Variants in KATNIP observed in about 807,000 individuals in gnomAD.
The protein encoded by KATNIP is katanin interacting protein, also known as katanin-interacting protein.
Under a neutral mutation model 174.0 loss-of-function variants are expected in KATNIP, and 126 were observed. That is an observed-to-expected ratio of 0.72 (90% CI 0.63 to 0.84). The LOEUF is 0.84. Ranked by LOEUF, KATNIP falls within the 40% of genes least tolerant of loss-of-function variation. The pLI is 0.00. For synonymous variants in KATNIP, 810 were observed against 835.7 expected, an observed-to-expected ratio of 0.97 and a Z score of 0.53; for missense variants, 1,958 against 2,109.7, an observed-to-expected ratio of 0.93 and a Z score of 1.41.
intron 8 of KATNIP, chr16:27,687,141 T>G (rs564804507): frequency 6.6e-6 from 1 of 152,338 alleles, no homozygotes; most frequent in African/African-American, 2.4e-5. Flanking sequence ...TCTGCTCAGC[T>G]TCCCAGCCTT....
intron 19 of KATNIP, among the ~76,000 whole-genome samples, chr16:27,763,314 T>TA (rs1567417088): frequency 8.0e-6 from 1 of 124,454 alleles, no homozygotes; most frequent in South Asian, 2.5e-4. Context: ...AAAAAATAAA[T>TA]AAAAAAAAGT....
rs139354813 is a variant in KATNIP at position 27,606,206 on chromosome 16, G to A, written c.64-12219G>A. Among the ~76,000 whole-genome samples, 21 of 152,304 alleles carry A rather than the reference G, an allele frequency of 1.4e-4. No homozygotes were observed. The East Asian group carries it at 3.3e-3, about 24-fold the overall frequency. The stretch of plus-strand genomic sequence containing the variant: ...GTGCACTGAGGACGGGCTCCACAGC[G>A]CTGGGACACACAGACTCACTGGGAG... On this transcript the variant is annotated intron_variant, in intron 2 of 27. Coordinates refer to ENST00000261588, the MANE Select transcript of KATNIP (RefSeq NM_015202.5).
At chr16:27,736,383 G>A (rs557553380) in intron 14 of KATNIP, among the ~76,000 whole-genome samples, 1 of 152,310 alleles carries the variant, frequency 6.6e-6, no homozygotes, top group Non-Finnish European at 1.5e-5. Context: ...CTAACTTTGA[G>A]TGGGAAAAAC....
rs112201276 is a variant in KATNIP, at chr16:27,593,772, G to T, written c.63+19816G>T. Among the ~76,000 whole-genome samples the T allele has an allele frequency of 9.4e-3, 1,438 of 152,228 alleles. 24 individuals are homozygous for T. Among genetic ancestry groups the T allele is most frequent in the African/African-American group, 0.033 (1,378 of 41,550 alleles). ...ATCCTTCTACCTTGGCCTTCCAAAG[G>T]GCTAGGATTACTTCAGGTGTGAACC... On this transcript the variant is annotated intron_variant, in intron 2 of 27. Transcript: ENST00000261588.
At position 27,681,290 on chromosome 16, in the gene KATNIP, G is replaced by A. The variant is rs762989931; in HGVS notation, c.809-109G>A. On this transcript the variant is annotated intron_variant, in intron 7 of 27. Transcript: ENST00000261588. ...ATCCCAAACTGCACAAAGTAGTTCCGTAGACATTTGTTGAATGAGTAAGTG... is the reference window on the plus strand; with the variant it reads ...ATCCCAAACTGCACAAAGTAGTTCCATAGACATTTGTTGAATGAGTAAGTG... 47 of 1,392,952 alleles carry A rather than the reference G, an allele frequency of 3.4e-5. 1 individual carries two copies. The highest frequency in any genetic ancestry group is 2.1e-4 in the South Asian group (17 of 81,250). 86.3% of individuals were successfully genotyped at this position (1,392,952 alleles called of 1,614,324 possible). A position where few individuals can be genotyped will look rare whatever the true frequency, so the allele number is the denominator to read the frequency against.
chr16:27,599,471 G>C (rs1422767043), intron 2 of KATNIP, among the ~76,000 whole-genome samples: 2 of 152,148 alleles, frequency 1.3e-5, no homozygotes, highest in East Asian at 3.8e-4. Context: ...ACTCAGACCT[G>C]CTCTCCCTCC....
At chr16:27,618,354 T>C (rs1245536629) in intron 2 of KATNIP, 71 bp from the exon 3 acceptor site, 1 of 1,210,284 alleles carries the variant, frequency 8.3e-7, no homozygotes, top group Non-Finnish European at 1.2e-6. Context: ...CGCCGGTGTG[T>C]GCTGCACCTG....
At chr16:27,550,971 A>G (rs898179954) in intron 1 of KATNIP, among the ~76,000 whole-genome samples, 3 of 152,196 alleles carry the variant, frequency 2.0e-5, no homozygotes, top group South Asian at 4.1e-4. Flanking sequence ...CTGAAAATCA[A>G]TTCCTCACCT....
At chr16:27,719,295 T>C (rs576327126) in intron 13 of KATNIP, among the ~76,000 whole-genome samples, 172 of 152,276 alleles carry the variant, frequency 1.1e-3, no homozygotes, top group African/African-American at 4.0e-3. Flanking sequence ...GAAACGGCCA[T>C]CAGGGCTCCT....
intron 1 of KATNIP, among the ~76,000 whole-genome samples, chr16:27,570,401 T>TA (rs1024051964): frequency 3.3e-5 from 5 of 151,234 alleles, no homozygotes; most frequent in African/African-American, 7.3e-5. Flanking sequence ...CCATATTTAC[T>TA]AAAAAAAATA....
intron 5 of KATNIP, among the ~76,000 whole-genome samples, chr16:27,647,417 C>T (rs1424593831): frequency 6.6e-6 from 1 of 152,062 alleles, no homozygotes; most frequent in East Asian, 1.9e-4. Context: ...TCTTGGCTCA[C>T]TGCAGCCTCG....
intron 2 of KATNIP, among the ~76,000 whole-genome samples, chr16:27,582,373 G>A (rs970953651): frequency 3.3e-5 from 5 of 152,190 alleles, no homozygotes; most frequent in South Asian, 2.1e-4. Context: ...GCACTTTTAC[G>A]GGAATGAAAC....
Position 27,766,398 on chromosome 16 carries a change from G to A in KATNIP, c.3899G>A (p.Arg1300His), listed in dbSNP as rs374829592. Reference protein sequence around the residue: ...SPGLDHVVTIRLDRAESIAGL... With the variant: ...SPGLDHVVTIHLDRAESIAGL... The stretch of plus-strand genomic sequence containing the variant: ...GGGCTGGACCATGTGGTCACGATCC[G>A]CCTGGACAGGGCCGAAAGCATCGCA... The change falls in exon 20 of 28, where the codon CGC becomes CAC. Residue 1300 changes from arginine (R) to histidine (H), a missense_variant. By Grantham distance (29) the Arg-to-His change is conservative. Around this residue, in one of 3 missense-constraint regions of KATNIP, gnomAD observed 383 missense variants for 456.0 expected, o/e 0.84. Coordinates refer to ENST00000261588, the MANE Select transcript of KATNIP (RefSeq NM_015202.5). 1.1e-5 allele frequency: 18 copies of A among 1,614,028 alleles called. No individual in the cohort carries two copies. The highest frequency in any genetic ancestry group is 8.9e-5 in the East Asian group (4 of 44,890).
At chr16:27,579,717 G>C (rs967624990) in intron 2 of KATNIP, among the ~76,000 whole-genome samples, 1 of 152,020 alleles carries the variant, frequency 6.6e-6, no homozygotes, top group Middle Eastern at 3.2e-3. Flanking sequence ...ACGGAAGGCC[G>C]TTTTTGCAGT....
chr16:27,740,980 G>A, intron 15 of KATNIP, 60 bp downstream of exon 15: 1 of 1,389,624 alleles, frequency 7.2e-7, no homozygotes, highest in Non-Finnish European at 9.4e-7. Context: ...TAATTGGCAT[G>A]AAGCCAGTTA....
rs546699052 is a variant in KATNIP at position 27,585,454 on chromosome 16, G to A, written c.63+11498G>A. Among the ~76,000 whole-genome samples, 104 of 152,264 alleles carry A rather than the reference G, an allele frequency of 6.8e-4. 1 individual carries two copies. Among genetic ancestry groups the A allele is most frequent in the African/African-American group, 2.4e-3 (99 of 41,550 alleles). On this transcript the variant is annotated intron_variant, in intron 2 of 27. Transcript: ENST00000261588. The stretch of plus-strand genomic sequence containing the variant: ...ACAGAAGAAAGGAAGTGGGTATATC[G>A]AAGGGATTTTTCCACTCCCATGTTT...
intron 3 of KATNIP, among the ~76,000 whole-genome samples, chr16:27,624,519 A>G (rs16976907): frequency 0.16 from 23,743 of 152,146 alleles, 2,914 homozygotes; most frequent in East Asian, 0.62. Context: ...CACTTGTTCC[A>G]GAAACAGGCA....
At chr16:27,635,622 A>G (rs2076610650) in intron 5 of KATNIP, among the ~76,000 whole-genome samples, 1 of 152,074 alleles carries the variant, frequency 6.6e-6, no homozygotes, top group African/African-American at 2.4e-5. Context: ...AAAAAATTCA[A>G]GAAGGCTCAG....
At chr16:27,571,285 G>A (rs539665956) in intron 1 of KATNIP, among the ~76,000 whole-genome samples, 6 of 152,148 alleles carry the variant, frequency 3.9e-5, no homozygotes, top group African/African-American at 1.2e-4. Context: ...CACCCGCTTC[G>A]ACCTCCCTAA....
Sources: gnomAD v4.1 joint callset for allele counts (sites outside exome capture counted in the v4.1 genomes callset) on GRCh38, gnomAD v4.1.1 for gene constraint, gnomAD v4.1.1 regional missense constraint, MANE v1.5 for transcripts, NCBI Gene and HGNC (gene_info 2026-07-23, HGNC 2026-07-21) for gene names.